Variants in CENPK observed in about 807,000 individuals in gnomAD.
The protein encoded by CENPK is SoxLZ/Sox6-binding protein Solt.
CENPK carries 46 observed loss-of-function variants against 40.9 expected under a neutral mutation model. The observed-to-expected ratio is 1.13, with a 90% confidence interval of 0.89 to 1.44. The LOEUF (loss-of-function observed/expected upper bound fraction) is 1.44. CENPK is among the 40% of genes most tolerant of loss of function. The pLI is 0.00. For missense variants in CENPK, 288 were observed against 303.5 expected (o/e 0.95, Z 0.38); for synonymous variants, 107 against 104.4 (o/e 1.02, Z -0.15).
intron 6 of CENPK, among the ~76,000 whole-genome samples, chr5:65,539,230 C>T (rs897007686): frequency 2.6e-5 from 4 of 152,184 alleles, no homozygotes; most frequent in Non-Finnish European, 5.9e-5. Context: ...TTCATTCCAT[C>T]CCAATAGCCA....
At chr5:65,503,107 AAT>A in the CENPK span, among the ~76,000 whole-genome samples, 1 of 120,888 alleles carries the variant, frequency 8.3e-6, no homozygotes, top group East Asian at 3.2e-4. Context: ...CCACCAATGT[AAT>A]ATTTTTTTTT....
At chr5:65,553,511 C>T (rs1460147181) in intron 3 of CENPK, among the ~76,000 whole-genome samples, 1 of 152,196 alleles carries the variant, frequency 6.6e-6, no homozygotes. Context: ...AGTTCTATCT[C>T]ACCAACTTAG....
intron 4 of CENPK, among the ~76,000 whole-genome samples, chr5:65,551,960 A>ATT (rs369700253): frequency 3.2e-4 from 40 of 125,262 alleles, no homozygotes; most frequent in Middle Eastern, 4.1e-3. Context: ...CCTTTGTTCT[A>ATT]TTTTTTTTTT....
chr5:65,509,527 A>G, the CENPK span, among the ~76,000 whole-genome samples: 1 of 152,258 alleles, frequency 6.6e-6, no homozygotes, highest in South Asian at 2.1e-4. Flanking sequence ...CATTTTGTTT[A>G]TCCATTTATT....
intron 10 of CENPK, among the ~76,000 whole-genome samples, chr5:65,519,890 C>T (rs929973285): frequency 6.6e-5 from 10 of 152,066 alleles, no homozygotes; most frequent in Non-Finnish European, 1.0e-4. Flanking sequence ...TCCTATTTTG[C>T]ATTTCTAATT....
intron 5 of CENPK, among the ~76,000 whole-genome samples, chr5:65,545,393 A>G (rs1304636155): frequency 6.6e-6 from 1 of 150,836 alleles, no homozygotes; most frequent in Non-Finnish European, 1.5e-5. Context: ...CCTTCTCTAT[A>G]AAGCAAAACC....
chr5:65,525,826 T>C (rs1744605411), intron 9 of CENPK, among the ~76,000 whole-genome samples: 1 of 151,978 alleles, frequency 6.6e-6, no homozygotes, highest in Admixed American at 6.6e-5. Flanking sequence ...GAGAACACAG[T>C]GAGCAAGTGG....
At chr5:65,533,498 G>A (rs907182240) in intron 6 of CENPK, among the ~76,000 whole-genome samples, 3 of 152,006 alleles carry the variant, frequency 2.0e-5, no homozygotes, top group Non-Finnish European at 4.4e-5. Flanking sequence ...AATGCTTTCC[G>A]ATAACATCAG....
At chr5:65,499,879 T>C in the CENPK span, among the ~76,000 whole-genome samples, 1 of 104,422 alleles carries the variant, frequency 9.6e-6, no homozygotes, top group South Asian at 3.5e-4. Flanking sequence ...CCATGTGATC[T>C]CATTGTTCAA....
In CENPK at chr5:65,551,652, AC is replaced by A. The variant is rs1440313003; in HGVS notation, c.169-17del. ...ACAATGATAGCTACAAAAGAAGAAA[AC>A]AAAGTCATTTTCTGTGGACTATTCA... On this transcript the variant is annotated splice_polypyrimidine_tract_variant and intron_variant, in intron 4 of 10. Coordinates refer to ENST00000396679, the MANE Select transcript of CENPK (RefSeq NM_022145.5). 1.4e-6 allele frequency: 2 copies of A among 1,447,504 alleles called. No individual in the cohort carries two copies. Among genetic ancestry groups the A allele is most frequent in the Non-Finnish European group, 1.9e-6 (2 of 1,046,824 alleles). The allele number at this position is 1,447,504 out of a possible 1,614,324, so 89.7% of individuals were successfully genotyped here. A position where few individuals can be genotyped will look rare whatever the true frequency, so the allele number is the denominator to read the frequency against.
chr5:65,521,621 A>G, intron 9 of CENPK, 93 bp from the exon 10 acceptor site: 1 of 885,958 alleles, frequency 1.1e-6, no homozygotes, highest in Non-Finnish European at 1.8e-6. Context: ...TATTTCTGAG[A>G]CAGAGTTTCA....
Position 65,528,958 on chromosome 5 carries a change from C to T in CENPK, c.431G>A (p.Ser144Asn), listed in dbSNP as rs751927567. ...QIMESLNVLH[S>N]ELKNKVETFS... ...TGTTTCAACCTTATTTTTCAATTCA[C>T]TGTGTAGTACATTAAGAGATTCCAT... Residue 144 changes from serine to asparagine, a missense_variant, in exon 8 of 11, where the codon AGT becomes AAT. Ser to Asn is a conservative substitution (Grantham distance 46). Transcript: ENST00000396679. The T allele has an allele frequency of 9.4e-6, 15 of 1,601,884 alleles. No homozygotes were observed. The highest frequency in any genetic ancestry group is 6.8e-5 in the South Asian group (6 of 88,460).
chr5:65,524,446 C>A (rs1211869186), intron 9 of CENPK, among the ~76,000 whole-genome samples: 1 of 148,784 alleles, frequency 6.7e-6, no homozygotes, highest in South Asian at 2.1e-4. Flanking sequence ...GTCAGGAGGT[C>A]GAGACCATCC....
At chr5:65,541,316 T>C in intron 6 of CENPK, 1 of 449,898 alleles carries the variant, frequency 2.2e-6, no homozygotes, top group South Asian at 1.6e-5. Context: ...GGGTCAGGCA[T>C]GTGGGACTGA....
chr5:65,551,731 G>A, intron 4 of CENPK, 95 bp from the exon 5 acceptor site: 1 of 610,720 alleles, frequency 1.6e-6, no homozygotes, highest in Non-Finnish European at 2.7e-6. Context: ...AAACTTTGCA[G>A]GGGGGTGGCA....
At chr5:65,541,730 A>G (rs1252932441) in intron 6 of CENPK, among the ~76,000 whole-genome samples, 1 of 152,198 alleles carries the variant, frequency 6.6e-6, no homozygotes, top group African/African-American at 2.4e-5. Flanking sequence ...AGGTCTGCTC[A>G]CAGCAATGTA....
rs1306504051 is a variant in CENPK at position 65,563,161 on chromosome 5, A to G, written c.-205T>C. 8 of 1,029,770 alleles carry G rather than the reference A, an allele frequency of 7.8e-6. No homozygotes were observed. Among genetic ancestry groups the G allele is most frequent in the Non-Finnish European group, 8.3e-6 (6 of 721,002 alleles). 63.8% of individuals were successfully genotyped at this position (1,029,770 alleles called of 1,614,324 possible). A position where few individuals can be genotyped will look rare whatever the true frequency, so the allele number is the denominator to read the frequency against. ...CGCAGGAAGCGCTTGCCAGCCCCGG[A>G]CTTCTGCGCGCGCTGCATGCCCATT... On this transcript the variant is annotated 5_prime_UTR_variant, in exon 1 of 11. Coordinates refer to ENST00000396679, the MANE Select transcript of CENPK (RefSeq NM_022145.5).
At chr5:65,542,955 T>A in intron 5 of CENPK, 107 bp from the exon 6 acceptor site, 1 of 900,620 alleles carries the variant, frequency 1.1e-6, no homozygotes, top group Non-Finnish European at 1.7e-6. Context: ...TCTCCATTTA[T>A]ATAATATACA....
chr5:65,541,438 T>G (rs960480281), intron 6 of CENPK: 16 of 456,186 alleles, frequency 3.5e-5, no homozygotes, highest in African/African-American at 3.2e-4. Context: ...CTGCAGAATC[T>G]GCCAAAGAAT....
Sources: gnomAD v4.1 joint callset for allele counts (sites outside exome capture counted in the v4.1 genomes callset) on GRCh38, gnomAD v4.1.1 for gene constraint, MANE v1.5 for transcripts, NCBI Gene and HGNC (gene_info 2026-07-23, HGNC 2026-07-21) for gene names.